HTR1E: variants seen among roughly 807,000 people sequenced by gnomAD.
HTR1E encodes 5-HT-1E.
HTR1E carries 3 observed loss-of-function variants against 3.4 expected under a neutral mutation model. The observed-to-expected ratio is 0.89, with a 90% CI of 0.41 to 2.31. The LOEUF is 2.31. Ranked by LOEUF, HTR1E falls within the 30% of genes most tolerant of loss-of-function variation. The probability of loss-of-function intolerance (pLI) is 0.05; values close to 1 mark genes in which losing one functional copy is unlikely to be tolerated. For synonymous variants in HTR1E, 170 were observed against 182.8 expected (o/e 0.93, Z 0.56); for missense variants, 392 against 467.0 (o/e 0.84, Z 1.48).
At chr6:86,954,952 T>A (rs957988508) in intron 1 of HTR1E, among the ~76,000 whole-genome samples, 1 of 152,170 alleles carries the variant, frequency 6.6e-6, no homozygotes, top group African/African-American at 2.4e-5. Context: ...TCAAGATGTA[T>A]CTGGGAAAAG....
chr6:86,955,439 A>ATGTC (rs1767307393), intron 1 of HTR1E, among the ~76,000 whole-genome samples: 1 of 152,228 alleles, frequency 6.6e-6, no homozygotes, highest in African/African-American at 2.4e-5. Flanking sequence ...GGGTCATTTC[A>ATGTC]TGTCCAGTGT....
At chr6:86,953,566 A>G (rs1254239377) in intron 1 of HTR1E, among the ~76,000 whole-genome samples, 2 of 152,204 alleles carry the variant, frequency 1.3e-5, no homozygotes, top group Admixed American at 6.5e-5. Flanking sequence ...GCATCTTCAC[A>G]GGGTTCCTAA....
rs1387905202 is a variant in HTR1E, at chr6:86,957,262, G to A, written c.-186+19439G>A. On this transcript the variant is annotated intron_variant, in intron 1 of 1. Transcript: ENST00000305344. ...CAATAAGCAGTCAACATTGTTCAAGGCTCATTTTTTCCCTGCCTTCTGAGG... is the reference window on the plus strand; with the variant it reads ...CAATAAGCAGTCAACATTGTTCAAGACTCATTTTTTCCCTGCCTTCTGAGG... Among the ~76,000 whole-genome samples the A allele has an allele frequency of 2.6e-5, 4 of 152,110 alleles. No individual in the cohort carries two copies. The South Asian group carries it at 8.3e-4, about 31-fold the overall frequency.
At chr6:86,989,902 CA>C (rs555496766) in intron 1 of HTR1E, among the ~76,000 whole-genome samples, 41 of 145,960 alleles carry the variant, frequency 2.8e-4, no homozygotes, top group East Asian at 5.9e-4. Flanking sequence ...TAAGTTGAGC[CA>C]AAAAAAAAAG....
intron 1 of HTR1E, among the ~76,000 whole-genome samples, chr6:86,993,567 C>CA (rs765234146): frequency 0.058 from 7,208 of 125,108 alleles, 182 homozygotes; most frequent in African/African-American, 0.083. Flanking sequence ...AAGCACTACC[C>CA]AAAAAAAAAA....
At chr6:86,997,920 T>A (rs1366243112) in intron 1 of HTR1E, among the ~76,000 whole-genome samples, 1 of 151,798 alleles carries the variant, frequency 6.6e-6, no homozygotes, top group African/African-American at 2.4e-5. Context: ...CATGCAAACA[T>A]TAATCAAAAG....
chr6:86,954,821 G>T (rs1205101170), intron 1 of HTR1E, among the ~76,000 whole-genome samples: 2 of 152,156 alleles, frequency 1.3e-5, no homozygotes, highest in Non-Finnish European at 2.9e-5. Context: ...CTTCTAGAAA[G>T]CTTGAAAGCA....
chr6:86,952,382 G>T (rs558118961), intron 1 of HTR1E, among the ~76,000 whole-genome samples: 2 of 152,080 alleles, frequency 1.3e-5, no homozygotes, highest in Non-Finnish European at 2.9e-5. Context: ...CATAGGTGCT[G>T]GGAATCTAGT....
intron 1 of HTR1E, among the ~76,000 whole-genome samples, chr6:87,014,254 TATAATA>T (rs200002987): frequency 0.042 from 5,969 of 143,758 alleles, 223 homozygotes; most frequent in African/African-American, 0.1. Flanking sequence ...GAACTTAAAG[TATAATA>T]ATAATAATAA....
At chr6:86,987,129 C>T (rs577381417) in intron 1 of HTR1E, among the ~76,000 whole-genome samples, 2 of 152,272 alleles carry the variant, frequency 1.3e-5, no homozygotes, top group African/African-American at 4.8e-5. Flanking sequence ...TTTCCACAGC[C>T]ATGGCAAATA....
intron 1 of HTR1E, among the ~76,000 whole-genome samples, chr6:86,944,468 T>A (rs183728702): frequency 3.9e-5 from 6 of 152,356 alleles, no homozygotes; most frequent in Admixed American, 3.9e-4. Flanking sequence ...AAAGAATTTG[T>A]AAAATATAAA....
intron 1 of HTR1E, among the ~76,000 whole-genome samples, chr6:86,952,592 A>G (rs1767262765): frequency 6.6e-6 from 1 of 152,072 alleles, no homozygotes; most frequent in South Asian, 2.1e-4. Context: ...ACACTGAACT[A>G]CACTCTCATT....
chr6:87,009,659 C>T (rs1320978840), intron 1 of HTR1E, among the ~76,000 whole-genome samples: 1 of 147,388 alleles, frequency 6.8e-6, no homozygotes, highest in East Asian at 2.2e-4. Context: ...CGCCCCTCAC[C>T]TCCCGGACGG....
chr6:86,994,229 T>C (rs1448601870), intron 1 of HTR1E, among the ~76,000 whole-genome samples: 1 of 152,158 alleles, frequency 6.6e-6, no homozygotes, highest in African/African-American at 2.4e-5. Context: ...TTTAAAATAA[T>C]GGCTAAAAAT....
chr6:86,954,492 G>T (rs965354919), intron 1 of HTR1E, among the ~76,000 whole-genome samples: 15 of 152,284 alleles, frequency 9.9e-5, no homozygotes, highest in African/African-American at 3.1e-4. Flanking sequence ...GATTGTCCCA[G>T]ATTTGGGGCA....
chr6:86,959,352 G>A (rs1310156676), intron 1 of HTR1E, among the ~76,000 whole-genome samples: 5 of 152,156 alleles, frequency 3.3e-5, no homozygotes, highest in African/African-American at 4.8e-5. Context: ...GGCCAAGGCA[G>A]GTGGATCACC....
intron 1 of HTR1E, among the ~76,000 whole-genome samples, chr6:87,012,886 G>T (rs9344662): frequency 2.6e-5 from 4 of 151,944 alleles, no homozygotes; most frequent in African/African-American, 9.7e-5. Context: ...CAAGTGGCAG[G>T]GTCAGCATTC....
chr6:87,008,522 T>C (rs561452381), intron 1 of HTR1E, among the ~76,000 whole-genome samples: 6 of 152,194 alleles, frequency 3.9e-5, no homozygotes, highest in Non-Finnish European at 8.8e-5. Flanking sequence ...TTAACAATTA[T>C]TGAAAACCAA....
intron 1 of HTR1E, among the ~76,000 whole-genome samples, chr6:86,959,415 C>CAAA (rs1179829124): frequency 6.6e-6 from 1 of 150,492 alleles, no homozygotes; most frequent in Non-Finnish European, 1.5e-5. Context: ...CCTGTCTCTA[C>CAAA]AAAAAAAAAT....
Sources: gnomAD v4.1 joint callset for allele counts (sites outside exome capture counted in the v4.1 genomes callset) on GRCh38, gnomAD v4.1.1 for gene constraint, MANE v1.5 for transcripts, NCBI Gene and HGNC (gene_info 2026-07-23, HGNC 2026-07-21) for gene names.